The following PDE6B variants were observed in gnomAD, a reference collection of about 807,000 sequenced individuals.
PDE6B encodes the protein rod cGMP-specific 3',5'-cyclic phosphodiesterase subunit beta.
A neutral mutation model predicts 109.0 loss-of-function variants in PDE6B; 106 were observed. The observed-to-expected ratio is 0.97, with a 90% CI of 0.83 to 1.14. PDE6B has a LOEUF of 1.14. PDE6B is among the 50% of genes most tolerant of loss of function. The pLI is 0.00. For synonymous variants in PDE6B, 490 were observed against 471.3 expected (o/e 1.04, Z -0.51); for missense variants, 1,193 against 1,155.6 (o/e 1.03, Z -0.47).
At chr4:647,363 T>C (rs1735255279) in intron 3 of PDE6B, among the ~76,000 whole-genome samples, 1 of 152,056 alleles carries the variant, frequency 6.6e-6, no homozygotes. Flanking sequence ...AGCTGGGCTG[T>C]ATTGAATGAA....
intron 12 of PDE6B, chr4:661,783 T>A: frequency 2.9e-6 from 1 of 346,482 alleles, no homozygotes; most frequent in Non-Finnish European, 5.7e-6. Flanking sequence ...CTCATTCAAA[T>A]GTCCATGCCT....
Position 666,986 on chromosome 4 carries a change from T to C in PDE6B, c.2352+372T>C, listed in dbSNP as rs1481658918. Among the ~76,000 whole-genome samples the C allele has an allele frequency of 6.6e-6, 1 of 152,232 alleles. No individual in the cohort carries two copies. The highest frequency in any genetic ancestry group is 2.4e-5 in the African/African-American group (1 of 41,466). On this transcript the variant is annotated intron_variant, in intron 20 of 21. Transcript: ENST00000496514. This position sits in a 1 kb window ranked among gnomAD's most constrained non-coding sequence, Gnocchi z 5.6. ...CAGCTCTGTGGGTTCATTTGTTCCA[T>C]GTTTGTGAACCCTCGAGGCGGGGCT... is the stretch of plus-strand genomic sequence containing the variant.
intron 11 of PDE6B, 144 bp downstream of exon 11, chr4:659,161 C>A: frequency 2.8e-6 from 2 of 707,264 alleles, no homozygotes; most frequent in South Asian, 1.5e-5. Flanking sequence ...ACTTGTGTAT[C>A]TAAGCACCTT....
chr4:665,074 G>A lies in PDE6B; in HGVS notation c.2193+130G>A. On this transcript the variant is annotated intron_variant, in intron 18 of 21. Coordinates refer to ENST00000496514, the MANE Select transcript of PDE6B (RefSeq NM_000283.4). The surrounding 1 kb of genome is among the most constrained non-coding windows in gnomAD (Gnocchi z 4.0). The stretch of plus-strand genomic sequence containing the variant: ...GCTCTGAGGGCCACCTCGGGGCCAG[G>A]CCAGGGCGGCAAGGATGGGGGTACT... 2.3e-6 allele frequency: 2 copies of A among 868,746 alleles called. No individual in the cohort carries two copies. The highest frequency in any genetic ancestry group is 3.9e-6 in the Non-Finnish European group (2 of 519,070). The allele number at this position is 868,746 out of a possible 1,614,324, so 53.8% of individuals were successfully genotyped here.
At chr4:653,298 G>T in intron 3 of PDE6B, 14 of 1,025,916 alleles carry the variant, frequency 1.4e-5, no homozygotes, top group Non-Finnish European at 1.6e-5. Flanking sequence ...GCAGAGAAAG[G>T]TGGCCCAAGG....
Position 656,869 on chromosome 4 carries a change from C to G in PDE6B, c.1108-5C>G, listed in dbSNP as rs768096047. 3.1e-6 allele frequency: 5 copies of G among 1,612,606 alleles called. No individual in the cohort carries two copies. Among genetic ancestry groups the G allele is most frequent in the Non-Finnish European group, 4.2e-6 (5 of 1,179,844 alleles). On this transcript the variant is annotated splice_polypyrimidine_tract_variant and splice_region_variant and intron_variant, in intron 8 of 21. Transcript: ENST00000496514. ...GGAGCTCAGCTCTGGACACCGCTCCCGCAGGAAGGGGCCCTGGACGACTCC... is the reference window on the plus strand; with the variant it reads ...GGAGCTCAGCTCTGGACACCGCTCCGGCAGGAAGGGGCCCTGGACGACTCC...
At chr4:650,808 G>A (rs1025225181) in intron 3 of PDE6B, among the ~76,000 whole-genome samples, 2 of 152,168 alleles carry the variant, frequency 1.3e-5, no homozygotes, top group Non-Finnish European at 2.9e-5. Context: ...GTTGACGGGG[G>A]CACAGAGGAA....
At position 662,560 on chromosome 4, in the gene PDE6B, A is replaced by T; in HGVS notation, c.1774A>T (p.Thr592Ser). 2.5e-6 allele frequency: 4 copies of T among 1,613,144 alleles called. No individual in the cohort carries two copies. Among genetic ancestry groups the T allele is most frequent in the Non-Finnish European group, 3.4e-6 (4 of 1,179,882 alleles). ...GGACCTGGAGGCCTTCGCCATGGTG[A>T]CAGCCGGCCTGTGCCATGACATCGA... ...YTDLEAFAMV[T>S]AGLCHDIDHR... is the part of the protein sequence containing the mutation. Residue 592 changes from threonine to serine, a missense_variant, in exon 14 of 22, where the codon ACA becomes TCA. Transcript: ENST00000496514. The surrounding 1 kb of genome is among the most constrained non-coding windows in gnomAD (Gnocchi z 4.3).
chr4:648,032 G>A lies in PDE6B; in HGVS notation c.712-5820G>A, dbSNP rs1269431622. 2.0e-5 allele frequency among the ~76,000 whole-genome samples: 3 copies of A among 151,684 alleles called. No individual in the cohort carries two copies. The highest frequency in any genetic ancestry group is 2.4e-5 in the African/African-American group (1 of 41,138). ...AGAGGTAGCAGTGAGCCAAGATCGC[G>A]CCACTGCACTTTAGCCTGGGCAACA... On this transcript the variant is annotated intron_variant, in intron 3 of 21. Coordinates refer to ENST00000496514, the MANE Select transcript of PDE6B (RefSeq NM_000283.4). This position sits in a 1 kb window ranked among gnomAD's most constrained non-coding sequence, Gnocchi z 4.5.
At position 663,948 on chromosome 4, in the gene PDE6B, G is replaced by T; in HGVS notation, c.2021+78G>T. 2 of 1,172,382 alleles carry T rather than the reference G, an allele frequency of 1.7e-6. No homozygotes were observed. Among genetic ancestry groups the T allele is most frequent in the Non-Finnish European group, 2.5e-6 (2 of 816,234 alleles). The allele number at this position is 1,172,382 out of a possible 1,614,324, so 72.6% of individuals were successfully genotyped here. On this transcript the variant is annotated intron_variant, in intron 16 of 21. Coordinates refer to ENST00000496514, the MANE Select transcript of PDE6B (RefSeq NM_000283.4). This position sits in a 1 kb window ranked among gnomAD's most constrained non-coding sequence, Gnocchi z 4.0. ...CCCCCGGCAGACACGGGGGCGCAGC[G>T]GCGGCACAGCCCGGGGGACGCAGCC... is the stretch of plus-strand genomic sequence containing the variant.
intron 3 of PDE6B, among the ~76,000 whole-genome samples, chr4:646,415 A>G (rs1246957409): frequency 6.6e-6 from 1 of 151,668 alleles, no homozygotes; most frequent in Non-Finnish European, 1.5e-5. Context: ...GGTTGTCTGC[A>G]GTTTGAATAT....
chr4:627,323 T>C (rs1333987465), intron 1 of PDE6B, among the ~76,000 whole-genome samples: 1 of 152,092 alleles, frequency 6.6e-6, no homozygotes, highest in East Asian at 1.9e-4. Flanking sequence ...TTTTTGTATT[T>C]TTAATAGAGA....
Position 656,825 on chromosome 4 carries a change from C to T in PDE6B, c.1108-49C>T, listed in dbSNP as rs752895453. ...CACTCTCCCCGGCCACACGCCCGGG[C>T]CAGGGCCAGCCTCAGGGCGGAGCTC... On this transcript the variant is annotated intron_variant, in intron 8 of 21. Transcript: ENST00000496514. 1.2e-5 allele frequency: 20 copies of T among 1,602,216 alleles called. 1 individual carries two copies. Among genetic ancestry groups the T allele is most frequent in the South Asian group, 9.9e-5 (9 of 90,784 alleles).
intron 5 of PDE6B, 26 bp from the exon 6 acceptor site, chr4:654,798 C>G (rs1300400216): frequency 7.6e-7 from 1 of 1,312,118 alleles, no homozygotes; most frequent in South Asian, 1.2e-5. Context: ...CAGGCAGCCC[C>G]CCGACCAGTG....
intron 3 of PDE6B, among the ~76,000 whole-genome samples, chr4:641,407 G>C (rs1560108077): frequency 6.6e-6 from 1 of 152,236 alleles, no homozygotes; most frequent in South Asian, 2.1e-4. Flanking sequence ...GTGAGGGTGA[G>C]GCGGTCAGCG....
rs532532251 is a variant in PDE6B at position 648,244 on chromosome 4, C to T, written c.712-5608C>T. Among the ~76,000 whole-genome samples, 4 of 152,170 alleles carry T rather than the reference C, an allele frequency of 2.6e-5. No homozygotes were observed. The highest frequency in any genetic ancestry group is 4.1e-4 in the South Asian group (2 of 4,820). ...TGGAGACCAGCTCAAGGTTCTAACA[C>T]GTGACCTTGTGTCTCCATGTGAGAC... On this transcript the variant is annotated intron_variant, in intron 3 of 21. Coordinates refer to ENST00000496514, the MANE Select transcript of PDE6B (RefSeq NM_000283.4). This position sits in a 1 kb window ranked among gnomAD's most constrained non-coding sequence, Gnocchi z 4.5.
intron 21 of PDE6B, among the ~76,000 whole-genome samples, chr4:668,756 T>C (rs111676642): frequency 2.7e-5 from 2 of 73,066 alleles, no homozygotes; most frequent in Admixed American, 1.5e-4. Flanking sequence ...CCCTACCCCA[T>C]GCTATTCCCC....
At position 664,884 on chromosome 4, in the gene PDE6B, C is replaced by G. The variant is rs991449601; in HGVS notation, c.2133C>G (p.Ala711=). The part of the protein sequence containing the change: ...LETTRKEIVM[A]MMMTACDLSA... ...CGTGCCCGGTTTGTGTCTGCAGGGCCATGATGATGACAGCCTGCGACCTGT... is the reference window on the plus strand; with the variant it reads ...CGTGCCCGGTTTGTGTCTGCAGGGCGATGATGATGACAGCCTGCGACCTGT... The change falls in exon 18 of 22, where the codon GCC becomes GCG. Residue 711 remains alanine, a synonymous_variant. Coordinates refer to ENST00000496514, the MANE Select transcript of PDE6B (RefSeq NM_000283.4). 6.2e-6 allele frequency: 10 copies of G among 1,612,980 alleles called. No individual in the cohort carries two copies. The highest frequency in any genetic ancestry group is 7.6e-6 in the Non-Finnish European group (9 of 1,179,762).
chr4:663,879 C>T lies in PDE6B; in HGVS notation c.2021+9C>T. On this transcript the variant is annotated intron_variant, in intron 16 of 21. Coordinates refer to ENST00000496514, the MANE Select transcript of PDE6B (RefSeq NM_000283.4). The surrounding 1 kb of genome is among the most constrained non-coding windows in gnomAD (Gnocchi z 4.0). ...CTGGCCCTGTACTTCAAGTGCGCGC[C>T]TTCCGGGAGGGGGCGCCTCGCGGGG... 1.3e-6 allele frequency: 2 copies of T among 1,594,460 alleles called. No homozygotes were observed. Among genetic ancestry groups the T allele is most frequent in the Non-Finnish European group, 1.7e-6 (2 of 1,168,006 alleles).
Sources: gnomAD v4.1 joint callset for allele counts (sites outside exome capture counted in the v4.1 genomes callset) on GRCh38, gnomAD v4.1.1 for gene constraint, Gnocchi (gnomAD v3.1) non-coding constraint, MANE v1.5 for transcripts, NCBI Gene and HGNC (gene_info 2026-07-23, HGNC 2026-07-21) for gene names.